CLUL1: variants seen among roughly 807,000 people sequenced by gnomAD.
CLUL1 encodes clusterin like 1.
Under a neutral mutation model 49.4 loss-of-function variants are expected in CLUL1, and 43 were observed. That is an observed-to-expected ratio of 0.87 (90% confidence interval 0.68 to 1.12). The LOEUF is 1.12. Among genes scored for constraint, CLUL1 ranks in the 50% most tolerant of loss-of-function variants. CLUL1 has a pLI of 0.00. For missense variants in CLUL1, 486 were observed against 544.4 expected (o/e 0.89, Z 1.07); for synonymous variants, 192 against 184.9 (o/e 1.04, Z -0.31).
rs2074485624 is a variant in CLUL1, at chr18:645,813, ATATATATAT to A, written c.1397+717_1397+725del. On this transcript the variant is annotated intron_variant, in intron 9 of 9. Coordinates refer to ENST00000692774, the MANE Select transcript of CLUL1 (RefSeq NM_001393344.1). ...TGTTTAAAAAAAAAAAAAAAAAAATATATATATATATATATATATATATATATATATATA... is the reference window on the plus strand; with the variant it reads ...TGTTTAAAAAAAAAAAAAAAAAAATAATATATATATATATATATATATATA... Among the ~76,000 whole-genome samples the A allele has an allele frequency of 2.3e-3, 134 of 57,038 alleles. 7 individuals are homozygous for A. Among genetic ancestry groups the A allele is most frequent in the South Asian group, 7.3e-3 (10 of 1,370 alleles). The allele number at this position is 57,038 out of a possible 152,430, so 37.4% of individuals were successfully genotyped here.
At chr18:630,013 C>T (rs1271734994) in intron 6 of CLUL1, among the ~76,000 whole-genome samples, 1 of 152,124 alleles carries the variant, frequency 6.6e-6, no homozygotes, top group East Asian at 1.9e-4. Context: ...CAAAATATCC[C>T]CACCCTAATC....
chr18:604,080 C>T (rs961925820), intron 1 of CLUL1, among the ~76,000 whole-genome samples: 1 of 152,300 alleles, frequency 6.6e-6, no homozygotes, highest in African/African-American at 2.4e-5. Context: ...GGGGTTTCAC[C>T]ATTTTGCCTA....
intron 7 of CLUL1, 80 bp downstream of exon 7, chr18:633,515 G>C: frequency 8.2e-7 from 1 of 1,215,002 alleles, no homozygotes; most frequent in South Asian, 1.4e-5. Flanking sequence ...TGCCACAAAA[G>C]AAATAGCACT....
chr18:632,923 G>C (rs757337524), intron 6 of CLUL1, among the ~76,000 whole-genome samples: 1 of 152,172 alleles, frequency 6.6e-6, no homozygotes, highest in Non-Finnish European at 1.5e-5. Flanking sequence ...GGGAGGCCGA[G>C]GCGGGTGGAT....
intron 5 of CLUL1, among the ~76,000 whole-genome samples, chr18:626,864 T>TAA (rs555005092): frequency 1.4e-5 from 1 of 70,798 alleles, no homozygotes; most frequent in Non-Finnish European, 2.8e-5. Flanking sequence ...CCATCTCAAA[T>TAA]AAGAAAGAAA....
chr18:645,159 A>G (rs1312832316), intron 9 of CLUL1, 62 bp downstream of exon 9: 2 of 1,304,650 alleles, frequency 1.5e-6, no homozygotes, highest in East Asian at 5.1e-5. Flanking sequence ...TCAAAAGGGA[A>G]AAACAAAACT....
intron 1 of CLUL1, among the ~76,000 whole-genome samples, chr18:601,561 T>C (rs111662438): frequency 0.017 from 2,616 of 151,900 alleles, 79 homozygotes; most frequent in African/African-American, 0.059. Flanking sequence ...GCAGGAGAAC[T>C]GCTTGAACCA....
intron 2 of CLUL1, among the ~76,000 whole-genome samples, chr18:615,641 G>A (rs891700307): frequency 6.6e-5 from 10 of 152,166 alleles, no homozygotes; most frequent in African/African-American, 2.4e-4. Flanking sequence ...CTCTTCCATT[G>A]GCCAACCATG....
At chr18:645,691 G>T (rs1339690700) in intron 9 of CLUL1, among the ~76,000 whole-genome samples, 1 of 148,330 alleles carries the variant, frequency 6.7e-6, no homozygotes, top group African/African-American at 2.5e-5. Context: ...CTACTCGGGA[G>T]GCTGAGGCAG....
intron 7 of CLUL1, among the ~76,000 whole-genome samples, chr18:635,572 C>A (rs777385351): frequency 8.5e-5 from 13 of 152,052 alleles, no homozygotes; most frequent in Non-Finnish European, 1.6e-4. Flanking sequence ...TAATTTACTA[C>A]CAAGTAATAG....
rs146759770 is a variant in CLUL1 at position 648,815 on chromosome 18, C to T, written c.1398-1083C>T. Among the ~76,000 whole-genome samples the T allele has an allele frequency of 6.8e-4, 103 of 152,152 alleles. 1 individual carries two copies. Among genetic ancestry groups the T allele is most frequent in the African/African-American group, 2.4e-3 (98 of 41,508 alleles). ...GGGATTACAGGTGTGCACCACCACA[C>T]TTGGCTAATTTTTGTATTTTTTAGT... is the stretch of plus-strand genomic sequence containing the variant. On this transcript the variant is annotated intron_variant, in intron 9 of 9. Coordinates refer to ENST00000692774, the MANE Select transcript of CLUL1 (RefSeq NM_001393344.1).
intron 5 of CLUL1, 149 bp from the exon 6 acceptor site, chr18:626,948 A>AAAGAGAG (rs2073788745): frequency 1.7e-4 from 1 of 5,886 alleles, no homozygotes; most frequent in African/African-American, 5.5e-4. Context: ...GGAAAGAAGG[A>AAAGAGAG]AGGAAGGAAG....
In CLUL1 at chr18:618,571, C is replaced by T. The variant is rs1187303786; in HGVS notation, c.106+465C>T. Among the ~76,000 whole-genome samples, 2 of 152,066 alleles carry T rather than the reference C, an allele frequency of 1.3e-5. No homozygotes were observed. The highest frequency in any genetic ancestry group is 4.8e-5 in the African/African-American group (2 of 41,404). ...TGCTTGGTGATATATACTTTGGGTA[C>T]TTAATATATAGAAGAACAAATTAGC... is the stretch of plus-strand genomic sequence containing the variant. On this transcript the variant is annotated intron_variant, in intron 3 of 9. Transcript: ENST00000692774. This position sits in a 1 kb window ranked among gnomAD's most constrained non-coding sequence, Gnocchi z 4.2.
At chr18:629,405 T>C (rs1219433766) in intron 6 of CLUL1, among the ~76,000 whole-genome samples, 3 of 152,212 alleles carry the variant, frequency 2.0e-5, no homozygotes, top group Admixed American at 6.5e-5. Context: ...CCCTCCATGT[T>C]GTGTAGCAGC....
intron 6 of CLUL1, among the ~76,000 whole-genome samples, chr18:629,219 T>TG: frequency 6.6e-6 from 1 of 152,310 alleles, no homozygotes; most frequent in Admixed American, 6.5e-5. Flanking sequence ...TTATTTGGTC[T>TG]GGTAGTCCAT....
intron 5 of CLUL1, among the ~76,000 whole-genome samples, chr18:626,716 C>G (rs1367049314): frequency 6.7e-6 from 1 of 149,914 alleles, no homozygotes; most frequent in Non-Finnish European, 1.5e-5. Flanking sequence ...AAAAAATTAG[C>G]CAGGCATGGC....
chr18:605,731 C>A (rs1211737751), intron 1 of CLUL1, among the ~76,000 whole-genome samples: 1 of 152,124 alleles, frequency 6.6e-6, no homozygotes, highest in Middle Eastern at 3.2e-3. Flanking sequence ...GGCTGGAGTG[C>A]AGTGGTACGA....
At chr18:625,326 G>A (rs752926727) in intron 5 of CLUL1, among the ~76,000 whole-genome samples, 14 of 152,060 alleles carry the variant, frequency 9.2e-5, no homozygotes, top group Non-Finnish European at 1.5e-4. Flanking sequence ...TTTGAGGGCA[G>A]GGATCATATC....
chr18:610,028 A>G (rs1344997123), intron 2 of CLUL1, among the ~76,000 whole-genome samples: 1 of 152,192 alleles, frequency 6.6e-6, no homozygotes, highest in Non-Finnish European at 1.5e-5. Flanking sequence ...ATTATGGATT[A>G]GAGGATGAGA....
Sources: allele counts gnomAD v4.1 joint callset (sites outside exome capture counted in the v4.1 genomes callset), GRCh38; gene constraint gnomAD v4.1.1; non-coding constraint Gnocchi (gnomAD v3.1); transcripts MANE v1.5; gene names NCBI Gene and HGNC (gene_info 2026-07-23, HGNC 2026-07-21).